The following COLGALT2 variants were observed in gnomAD, a reference collection of about 807,000 sequenced individuals.
COLGALT2 encodes the protein procollagen galactosyltransferase 2.
In COLGALT2, 49 loss-of-function variants were observed where a neutral mutation model predicts 73.4. The observed-to-expected ratio is 0.67, with a 90% CI of 0.53 to 0.85. COLGALT2 has a LOEUF of 0.85. Among genes scored for constraint, COLGALT2 ranks in the 40% least tolerant of loss-of-function variants. The pLI is 0.00. For synonymous variants in COLGALT2, 295 were observed against 307.6 expected (o/e 0.96, Z 0.43); for missense variants, 722 against 790.2 (o/e 0.91, Z 1.03).
chr1:183,988,101 C>T (rs1671534535), intron 1 of COLGALT2, among the ~76,000 whole-genome samples: 1 of 152,208 alleles, frequency 6.6e-6, no homozygotes, highest in African/African-American at 2.4e-5. Flanking sequence ...AATACTATCA[C>T]TTTGCTGCTT....
intron 8 of COLGALT2, among the ~76,000 whole-genome samples, chr1:183,949,186 C>T (rs1347542809): frequency 6.6e-6 from 1 of 152,168 alleles, no homozygotes; most frequent in East Asian, 1.9e-4. Flanking sequence ...AATGCAATTC[C>T]TATCAAAATC....
rs532198305 is a variant in COLGALT2 at position 184,032,472 on chromosome 1, G to A, written c.263+4623C>T. Among the ~76,000 whole-genome samples the A allele has an allele frequency of 1.6e-4, 24 of 152,294 alleles. 1 individual carries two copies. In the South Asian group the frequency reaches 4.8e-3, roughly 30 times the overall value. The stretch of plus-strand genomic sequence containing the variant: ...AAGATAAGGCAGCTATGTCTTAGAG[G>A]TTTACTGATGTGCCCACAATCACAC... On this transcript the variant is annotated intron_variant, in intron 1 of 11. Transcript: ENST00000361927.
chr1:183,950,162 T>A lies in COLGALT2; in HGVS notation c.1136+845A>T, dbSNP rs191503832. On this transcript the variant is annotated intron_variant, in intron 8 of 11. Transcript: ENST00000361927. ...CACCTTGAGGCTTCTTAAATGCAGA[T>A]CCTGGGTCCAGCCTCAGAGAGCATA... is the stretch of plus-strand genomic sequence containing the variant. 2.2e-3 allele frequency among the ~76,000 whole-genome samples: 333 copies of A among 152,302 alleles called. 2 individuals are homozygous for A. The highest frequency in any genetic ancestry group is 1.5e-3 in the East Asian group (8 of 5,194).
chr1:184,037,595 G>T lies in COLGALT2; in HGVS notation c.-238C>A. The T allele has an allele frequency of 9.2e-7, 1 of 1,083,960 alleles. No homozygotes were observed. The highest frequency in any genetic ancestry group is 5.2e-5 in the Admixed American group (1 of 19,140). 67.1% of individuals were successfully genotyped at this position (1,083,960 alleles called of 1,614,324 possible). On this transcript the variant is annotated 5_prime_UTR_variant, in exon 1 of 12. Transcript: ENST00000361927. ...GCGCAGCGTACCTGCAGCCGCTGGC[G>T]CTCCCCTGCGCCTCGGGCTCGCAGA... is the stretch of plus-strand genomic sequence containing the variant.
At chr1:183,995,044 G>GCA (rs1671734259) in intron 1 of COLGALT2, among the ~76,000 whole-genome samples, 1 of 152,008 alleles carries the variant, frequency 6.6e-6, no homozygotes, top group African/African-American at 2.4e-5. Flanking sequence ...TTCCACATTT[G>GCA]CATTGTTGTA....
chr1:183,978,772 T>A (rs1163982398), intron 1 of COLGALT2, among the ~76,000 whole-genome samples: 1 of 152,204 alleles, frequency 6.6e-6, no homozygotes, highest in Admixed American at 6.5e-5. Context: ...AATGGTTGCA[T>A]TAATAAATAA....
At chr1:183,939,115 C>T (rs1056502424) in intron 11 of COLGALT2, 78 bp from the exon 12 acceptor site, 2 of 1,033,138 alleles carry the variant, frequency 1.9e-6, no homozygotes, top group Non-Finnish European at 1.4e-6. Context: ...GTGAAGGAGG[C>T]CTCCTGGTTA....
At position 183,994,026 on chromosome 1, in the gene COLGALT2, CTTTTTTTTTTTTTTTTTTT is replaced by C. The variant is rs869129633; in HGVS notation, c.264-15525_264-15507del. ...GTCACACTCATTTTCTCTTGTAATT[CTTTTTTTTTTTTTTTTTTT>C]TTTTTTTTTTTGAGACAGAGTCTTG... On this transcript the variant is annotated intron_variant, in intron 1 of 11. Transcript: ENST00000361927. 4.3e-5 allele frequency among the ~76,000 whole-genome samples: 3 copies of C among 70,040 alleles called. No homozygotes were observed. The East Asian group carries it at 1.1e-3, about 25-fold the overall frequency. The allele number at this position is 70,040 out of a possible 152,430, so 45.9% of individuals were successfully genotyped here.
At chr1:183,984,359 C>G (rs111590559) in intron 1 of COLGALT2, among the ~76,000 whole-genome samples, 41 of 152,162 alleles carry the variant, frequency 2.7e-4, no homozygotes, top group Non-Finnish European at 4.9e-4. Context: ...GAGCTGAGAT[C>G]GTGCCACTGC....
Position 183,937,583 on chromosome 1 carries a change from A to G in COLGALT2, c.*1178T>C. 1.0e-6 allele frequency: 1 copy of G among 985,326 alleles called. No homozygotes were observed. The highest frequency in any genetic ancestry group is 1.2e-6 in the Non-Finnish European group (1 of 829,932). The allele number at this position is 985,326 out of a possible 1,614,324, so 61.0% of individuals were successfully genotyped here. A position where few individuals can be genotyped will look rare whatever the true frequency, so the allele number is the denominator to read the frequency against. On this transcript the variant is annotated 3_prime_UTR_variant, in exon 12 of 12. Coordinates refer to ENST00000361927, the MANE Select transcript of COLGALT2 (RefSeq NM_015101.4). ...CTGAGATAGAGAATCATTTGTTTCCAAATAGTTCAAATCCCCCCATCCACA... is the reference window on the plus strand; with the variant it reads ...CTGAGATAGAGAATCATTTGTTTCCGAATAGTTCAAATCCCCCCATCCACA...
intron 8 of COLGALT2, among the ~76,000 whole-genome samples, chr1:183,949,123 G>A (rs1435127808): frequency 6.6e-6 from 1 of 152,178 alleles, no homozygotes; most frequent in Non-Finnish European, 1.5e-5. Context: ...TTACGAATCA[G>A]AAGACTTCAT....
Position 183,936,727 on chromosome 1 carries a change from GCT to G in COLGALT2, c.*2032_*2033del. 1 of 1,230,450 alleles carries G rather than the reference GCT, an allele frequency of 8.1e-7. No individual in the cohort carries two copies. The highest frequency in any genetic ancestry group is 1.0e-6 in the Non-Finnish European group (1 of 987,668). The allele number at this position is 1,230,450 out of a possible 1,614,324, so 76.2% of individuals were successfully genotyped here. ...AGGAATTTTCACTCGCTCCCCAGAT[GCT>G]CTTTCTGTTTTTCTGGGGGTGGGTG... On this transcript the variant is annotated 3_prime_UTR_variant, in exon 12 of 12. Coordinates refer to ENST00000361927, the MANE Select transcript of COLGALT2 (RefSeq NM_015101.4).
downstream of COLGALT2, among the ~76,000 whole-genome samples, chr1:183,933,552 G>A (rs1463946542): frequency 1.3e-5 from 2 of 152,156 alleles, no homozygotes; most frequent in African/African-American, 2.4e-5. Context: ...CCTGTCTGGG[G>A]GTCTGTTCCA....
chr1:183,952,194 G>A (rs1203318424), intron 7 of COLGALT2, among the ~76,000 whole-genome samples: 1 of 152,294 alleles, frequency 6.6e-6, no homozygotes, highest in South Asian at 2.1e-4. Flanking sequence ...AGGTCCTTTT[G>A]CTACAAATAG....
intron 1 of COLGALT2, among the ~76,000 whole-genome samples, chr1:184,011,721 C>T (rs1363930045): frequency 3.3e-5 from 5 of 152,206 alleles, no homozygotes; most frequent in Non-Finnish European, 5.9e-5. Flanking sequence ...AGGCAGCTCT[C>T]TCGGCTGCCT....
chr1:183,939,553 C>T (rs1340761876), intron 11 of COLGALT2, among the ~76,000 whole-genome samples: 1 of 152,192 alleles, frequency 6.6e-6, no homozygotes, highest in Non-Finnish European at 1.5e-5. Flanking sequence ...GTGCAGAGTA[C>T]ATGAGGTGAC....
intron 4 of COLGALT2, among the ~76,000 whole-genome samples, chr1:183,971,766 A>G (rs1389438008): frequency 1.3e-5 from 2 of 152,214 alleles, no homozygotes; most frequent in African/African-American, 2.4e-5. Context: ...ACCAGTTGAC[A>G]TGTTGATAGC....
At chr1:183,945,345 C>T in intron 9 of COLGALT2, 87 bp downstream of exon 9, 1 of 1,482,370 alleles carries the variant, frequency 6.7e-7, no homozygotes, top group Non-Finnish European at 9.2e-7. Context: ...TGCGGGCTCA[C>T]TTTACATCTG....
intron 1 of COLGALT2, among the ~76,000 whole-genome samples, chr1:184,009,277 T>C (rs1672170472): frequency 6.6e-6 from 1 of 152,174 alleles, no homozygotes; most frequent in African/African-American, 2.4e-5. Flanking sequence ...AACAACAAAA[T>C]TTTCCTTCTG....
Sources: gnomAD v4.1 joint callset for allele counts (sites outside exome capture counted in the v4.1 genomes callset) on GRCh38, gnomAD v4.1.1 for gene constraint, MANE v1.5 for transcripts, NCBI Gene and HGNC (gene_info 2026-07-23, HGNC 2026-07-21) for gene names.